PCDHGB7: variants seen among roughly 807,000 people sequenced by gnomAD.
The protein encoded by PCDHGB7 is protocadherin gamma subfamily B, 7, also known as protocadherin gamma-B7.
A neutral mutation model predicts 61.4 loss-of-function variants in PCDHGB7; 37 were observed. The observed-to-expected ratio is 0.60, with a 90% CI of 0.46 to 0.79. The LOEUF is 0.79. PCDHGB7 is among the 30% of genes least tolerant of loss of function. The pLI, the probability that PCDHGB7 is intolerant of heterozygous loss-of-function variation, is 0.00. For synonymous variants in PCDHGB7, 464 were observed against 503.5 expected (o/e 0.92, Z 1.05); for missense variants, 1,166 against 1,202.5 (o/e 0.97, Z 0.45).
intron 1 of PCDHGB7, among the ~76,000 whole-genome samples, chr5:141,455,890 T>G (rs1055285369): frequency 1.3e-5 from 2 of 149,264 alleles, no homozygotes; most frequent in African/African-American, 2.4e-5. Flanking sequence ...TTTATTTATT[T>G]ATTTATTTAT....
rs768383792 is a variant in PCDHGB7 at position 141,476,155 on chromosome 5, C to A, written c.2416-18652C>A. 1.2e-6 allele frequency: 2 copies of A among 1,612,382 alleles called. No homozygotes were observed. Among genetic ancestry groups the A allele is most frequent in the Non-Finnish European group, 1.7e-6 (2 of 1,179,764 alleles). On this transcript the variant is annotated intron_variant, in intron 1 of 3. Coordinates refer to ENST00000398594, the MANE Select transcript of PCDHGB7 (RefSeq NM_018927.4). This position sits in a 1 kb window ranked among gnomAD's most constrained non-coding sequence, Gnocchi z 7.6. ...CCTGGAGGAGCGGACTGGTAAGCAC[C>A]GGGAGGGTAGTGGGAGTTTTGCTTC... is the stretch of plus-strand genomic sequence containing the variant.
chr5:141,501,453 C>T (rs567794395), intron 2 of PCDHGB7, among the ~76,000 whole-genome samples: 1 of 152,094 alleles, frequency 6.6e-6, no homozygotes, highest in Non-Finnish European at 1.5e-5. Flanking sequence ...TTTTACTTTT[C>T]ACTATTCCCC....
chr5:141,474,819 G>A (rs1180279468), intron 1 of PCDHGB7, among the ~76,000 whole-genome samples: 1 of 152,190 alleles, frequency 6.6e-6, no homozygotes, highest in Non-Finnish European at 1.5e-5. Flanking sequence ...CATTAATTGA[G>A]GCTTACTCTG....
At chr5:141,422,900 A>G (rs2096684887) in intron 1 of PCDHGB7, 2 of 1,614,220 alleles carry the variant, frequency 1.2e-6, no homozygotes, top group South Asian at 2.2e-5. Flanking sequence ...GACCAGAACG[A>G]CAATGCGCCC....
intron 1 of PCDHGB7, among the ~76,000 whole-genome samples, chr5:141,456,907 G>A (rs1430292511): frequency 6.6e-6 from 1 of 152,108 alleles, no homozygotes; most frequent in Non-Finnish European, 1.5e-5. Flanking sequence ...AGGTTGCAGT[G>A]AGCCGAGATC....
chr5:141,489,271 G>A lies in PCDHGB7; in HGVS notation c.2416-5536G>A, dbSNP rs1431562179. The A allele has an allele frequency of 2.4e-5, 37 of 1,554,676 alleles. No individual in the cohort carries two copies. The highest frequency in any genetic ancestry group is 3.0e-5 in the Non-Finnish European group (35 of 1,150,770). ...GCCCAAGACACTCCCACAGCTCGCT[G>A]GGAAATGGCAAGTGCTGTGCATGTT... On this transcript the variant is annotated intron_variant, in intron 1 of 3. Transcript: ENST00000398594. The surrounding 1 kb of genome is among the most constrained non-coding windows in gnomAD (Gnocchi z 4.5).
chr5:141,481,445 T>C (rs760413279), intron 1 of PCDHGB7, among the ~76,000 whole-genome samples: 2 of 152,260 alleles, frequency 1.3e-5, no homozygotes, highest in Non-Finnish European at 2.9e-5. Context: ...GTTTAGTACA[T>C]GTAAATACAC....
chr5:141,466,989 G>C, intron 1 of PCDHGB7, among the ~76,000 whole-genome samples: 1 of 150,922 alleles, frequency 6.6e-6, no homozygotes. Context: ...TTTACCTTTT[G>C]GCATTTTTTT....
At chr5:141,484,863 G>T (rs561595169) in intron 1 of PCDHGB7, 136 of 273,782 alleles carry the variant, frequency 5.0e-4, no homozygotes, top group African/African-American at 2.8e-3. Context: ...GGGGGTGGGG[G>T]AGCGTGGAGG....
In PCDHGB7 at chr5:141,486,421, G is replaced by C; in HGVS notation, c.2416-8386G>C. 1 of 1,614,152 alleles carries C rather than the reference G, an allele frequency of 6.2e-7. No individual in the cohort carries two copies. Among genetic ancestry groups the C allele is most frequent in the African/African-American group, 1.3e-5 (1 of 75,028 alleles). On this transcript the variant is annotated intron_variant, in intron 1 of 3. Coordinates refer to ENST00000398594, the MANE Select transcript of PCDHGB7 (RefSeq NM_018927.4). This position sits in a 1 kb window ranked among gnomAD's most constrained non-coding sequence, Gnocchi z 5.0. Reference sequence around the variant, plus strand: ...TGACTGCTGGACCCTTGGATCGAGAGGCCAAATCTAGCTATGACATCATGG... The same window carrying C: ...TGACTGCTGGACCCTTGGATCGAGACGCCAAATCTAGCTATGACATCATGG...
At position 141,431,211 on chromosome 5, in the gene PCDHGB7, G is replaced by C. The variant is rs1054638121; in HGVS notation, c.2415+10937G>C. Reference sequence around the variant, plus strand: ...AGTGAAAATGCAGCCACTGAGATGCGGTTCCCTCTACCCCACGCCTGGGAT... The same window carrying C: ...AGTGAAAATGCAGCCACTGAGATGCCGTTCCCTCTACCCCACGCCTGGGAT... On this transcript the variant is annotated intron_variant, in intron 1 of 3. Coordinates refer to ENST00000398594, the MANE Select transcript of PCDHGB7 (RefSeq NM_018927.4). This position sits in a 1 kb window ranked among gnomAD's most constrained non-coding sequence, Gnocchi z 4.8. 1.2e-6 allele frequency: 2 copies of C among 1,614,122 alleles called. No individual in the cohort carries two copies. Among genetic ancestry groups the C allele is most frequent in the Non-Finnish European group, 1.7e-6 (2 of 1,180,036 alleles).
rs2098098668 is a variant in PCDHGB7, at chr5:141,439,210, T to C, written c.2415+18936T>C. Among the ~76,000 whole-genome samples the C allele has an allele frequency of 4.0e-5, 6 of 150,296 alleles. No homozygotes were observed. The Middle Eastern group carries it at 0.014, about 343-fold the overall frequency. On this transcript the variant is annotated intron_variant, in intron 1 of 3. Transcript: ENST00000398594. The stretch of plus-strand genomic sequence containing the variant: ...TCTGACAAAAAAAAAAAAAAATCCA[T>C]ATGTGAAAATTCTTAGAAGCTTCCT...
Position 141,485,181 on chromosome 5 carries a change from G to C in PCDHGB7, c.2416-9626G>C. 1 of 1,612,942 alleles carries C rather than the reference G, an allele frequency of 6.2e-7. No individual in the cohort carries two copies. Among genetic ancestry groups the C allele is most frequent in the East Asian group, 2.2e-5 (1 of 44,868 alleles). On this transcript the variant is annotated intron_variant, in intron 1 of 3. Transcript: ENST00000398594. This position sits in a 1 kb window ranked among gnomAD's most constrained non-coding sequence, Gnocchi z 5.7. ...AATTAGCGGGCGGCAGCAATGCTCC[G>C]CAAGGTGAGAAGCTGGACAGAAATC...
chr5:141,423,300 G>T, intron 1 of PCDHGB7: 2 of 1,614,146 alleles, frequency 1.2e-6, no homozygotes, highest in African/African-American at 1.3e-5. Context: ...CAGACCTCTC[G>T]CTGTACTTGG....
Position 141,432,599 on chromosome 5 carries a change from C to T in PCDHGB7, c.2415+12325C>T. 2.5e-6 allele frequency: 4 copies of T among 1,613,908 alleles called. No individual in the cohort carries two copies. The highest frequency in any genetic ancestry group is 2.7e-5 in the African/African-American group (2 of 75,052). On this transcript the variant is annotated intron_variant, in intron 1 of 3. Coordinates refer to ENST00000398594, the MANE Select transcript of PCDHGB7 (RefSeq NM_018927.4). The surrounding 1 kb of genome is among the most constrained non-coding windows in gnomAD (Gnocchi z 6.0). Reference sequence around the variant, plus strand: ...CTACCGTCTGCTCAAGGCCAGCGAGCCGGGACTCTTCTCGGTGGGTCTGCA... The same window carrying T: ...CTACCGTCTGCTCAAGGCCAGCGAGTCGGGACTCTTCTCGGTGGGTCTGCA...
At chr5:141,451,597 C>CAAGG (rs1434393705) in intron 1 of PCDHGB7, among the ~76,000 whole-genome samples, 3 of 152,076 alleles carry the variant, frequency 2.0e-5, no homozygotes, top group Non-Finnish European at 2.9e-5. Flanking sequence ...AAGTGACATA[C>CAAGG]AAGGCTAGGC....
rs1267722283 is a variant in PCDHGB7 at position 141,493,105 on chromosome 5, G to A, written c.2416-1702G>A. Reference sequence around the variant, plus strand: ...GAGCTTTTATTCAAAATATATCAATGCCTAACTCTGCTCCTAGGACTGTAT... The same window carrying A: ...GAGCTTTTATTCAAAATATATCAATACCTAACTCTGCTCCTAGGACTGTAT... On this transcript the variant is annotated intron_variant, in intron 1 of 3. Coordinates refer to ENST00000398594, the MANE Select transcript of PCDHGB7 (RefSeq NM_018927.4). This position sits in a 1 kb window ranked among gnomAD's most constrained non-coding sequence, Gnocchi z 4.3. Among the ~76,000 whole-genome samples, 1 of 152,076 alleles carries A rather than the reference G, an allele frequency of 6.6e-6. No homozygotes were observed. Among genetic ancestry groups the A allele is most frequent in the Non-Finnish European group, 1.5e-5 (1 of 67,994 alleles).
Position 141,451,680 on chromosome 5 carries a change from A to G in PCDHGB7, c.2415+31406A>G, listed in dbSNP as rs189200375. Among the ~76,000 whole-genome samples, 85 of 152,310 alleles carry G rather than the reference A, an allele frequency of 5.6e-4. 1 individual carries two copies. The East Asian group carries it at 0.012, about 21-fold the overall frequency. On this transcript the variant is annotated intron_variant, in intron 1 of 3. Coordinates refer to ENST00000398594, the MANE Select transcript of PCDHGB7 (RefSeq NM_018927.4). The stretch of plus-strand genomic sequence containing the variant: ...GTGGACTGCTTGAGCCCAGGAGTTC[A>G]AGACCAGCCTGGGTAACATGACAAA...
At chr5:141,466,574 T>C (rs978880367) in intron 1 of PCDHGB7, among the ~76,000 whole-genome samples, 5 of 152,218 alleles carry the variant, frequency 3.3e-5, no homozygotes, top group Non-Finnish European at 5.9e-5. Flanking sequence ...CAACATTGTC[T>C]CATCCCTTCT....
Sources: allele counts gnomAD v4.1 joint callset (sites outside exome capture counted in the v4.1 genomes callset), GRCh38; gene constraint gnomAD v4.1.1; non-coding constraint Gnocchi (gnomAD v3.1); transcripts MANE v1.5; gene names NCBI Gene and HGNC (gene_info 2026-07-23, HGNC 2026-07-21).